Variants in UMAD1 observed in about 807,000 individuals in gnomAD.
UMAD1 encodes UBAP1-MVB12-associated (UMA)-domain containing protein 1.
In UMAD1, 8 loss-of-function variants were observed where a neutral mutation model predicts 6.1. The observed-to-expected ratio is 1.30, with a 90% CI of 0.76 to 2.35. UMAD1 has a LOEUF of 2.35. Among genes scored for constraint, UMAD1 ranks in the 30% most tolerant of loss-of-function variants. UMAD1 has a pLI of 0.00. For missense variants in UMAD1, 130 were observed against 78.4 expected (o/e 1.66, Z -2.49); for synonymous variants, 56 against 31.4 (o/e 1.78, Z -2.61).
chr7:7,791,337 A>C (rs780979502), intron 2 of UMAD1, among the ~76,000 whole-genome samples: 1 of 152,176 alleles, frequency 6.6e-6, no homozygotes, highest in South Asian at 2.1e-4. Flanking sequence ...AGAGCTTTCT[A>C]TTGGCAGTAT....
chr7:7,707,390 A>G (rs1583759028), intron 2 of UMAD1, among the ~76,000 whole-genome samples: 1 of 152,304 alleles, frequency 6.6e-6, no homozygotes, highest in African/African-American at 2.4e-5. Flanking sequence ...CCTGGAAGCC[A>G]GAAGCCTTGT....
intron 2 of UMAD1, among the ~76,000 whole-genome samples, chr7:7,739,832 A>G (rs1326961301): frequency 6.6e-6 from 1 of 152,248 alleles, no homozygotes; most frequent in African/African-American, 2.4e-5. Context: ...GCTATTTAGT[A>G]GTTAGAGAAA....
intron 2 of UMAD1, among the ~76,000 whole-genome samples, chr7:7,776,271 G>A (rs573468178): frequency 7.2e-5 from 11 of 152,326 alleles, no homozygotes; most frequent in African/African-American, 2.6e-4. Flanking sequence ...AAGCAGCTTG[G>A]GCAACATGGC....
intron 2 of UMAD1, among the ~76,000 whole-genome samples, chr7:7,695,246 G>A (rs1284149762): frequency 4.6e-5 from 7 of 152,114 alleles, no homozygotes; most frequent in Admixed American, 1.3e-4. Context: ...CCAAGTAGCC[G>A]TGCAATAATT....
At chr7:7,646,156 G>A (rs1785089043) in intron 1 of UMAD1, among the ~76,000 whole-genome samples, 1 of 152,322 alleles carries the variant, frequency 6.6e-6, no homozygotes, top group South Asian at 2.1e-4. Flanking sequence ...CAGTGTGACA[G>A]CCTTTTTGGG....
intron 2 of UMAD1, among the ~76,000 whole-genome samples, chr7:7,782,981 C>T (rs1332967645): frequency 5.9e-5 from 9 of 152,198 alleles, no homozygotes. Flanking sequence ...AATCTGCCTC[C>T]CTCAGCCTCC....
intron 1 of UMAD1, among the ~76,000 whole-genome samples, chr7:7,656,255 A>G (rs1383929843): frequency 1.3e-5 from 2 of 152,176 alleles, no homozygotes; most frequent in African/African-American, 4.8e-5. Flanking sequence ...TGAAGGAGAA[A>G]AAAGAACAAT....
At chr7:7,730,396 A>G (rs1248207906) in intron 2 of UMAD1, among the ~76,000 whole-genome samples, 2 of 152,236 alleles carry the variant, frequency 1.3e-5, no homozygotes, top group Non-Finnish European at 2.9e-5. Flanking sequence ...ATGTGCCCAC[A>G]GAGACTGATG....
chr7:7,828,162 A>C (rs1438516283), intron 3 of UMAD1, among the ~76,000 whole-genome samples: 1 of 152,198 alleles, frequency 6.6e-6, no homozygotes, highest in Non-Finnish European at 1.5e-5. Context: ...AATTCATTTG[A>C]ATTTACAACC....
At chr7:7,817,898 G>A (rs963236231) in intron 3 of UMAD1, among the ~76,000 whole-genome samples, 1 of 152,050 alleles carries the variant, frequency 6.6e-6, no homozygotes, top group African/African-American at 2.4e-5. Context: ...ACTGCAACCT[G>A]CACCTTCTGG....
intron 1 of UMAD1, among the ~76,000 whole-genome samples, chr7:7,653,143 G>T (rs1024380782): frequency 6.6e-6 from 1 of 152,112 alleles, no homozygotes; most frequent in Non-Finnish European, 1.5e-5. Flanking sequence ...CTTTTGCAGG[G>T]TGTTTTTTCA....
intron 3 of UMAD1, among the ~76,000 whole-genome samples, chr7:7,858,416 C>A (rs1338641403): frequency 2.0e-4 from 30 of 152,136 alleles, no homozygotes; most frequent in Non-Finnish European, 3.8e-4. Flanking sequence ...AACAAAAGCT[C>A]TGTTGGGCTG....
intron 3 of UMAD1, among the ~76,000 whole-genome samples, chr7:7,807,778 A>T (rs574381403): frequency 6.6e-6 from 1 of 151,994 alleles, no homozygotes; most frequent in Non-Finnish European, 1.5e-5. Flanking sequence ...TTTAGCATTC[A>T]CTCCAGAAAA....
At chr7:7,752,672 G>A (rs1781700543) in intron 2 of UMAD1, among the ~76,000 whole-genome samples, 1 of 152,042 alleles carries the variant, frequency 6.6e-6, no homozygotes, top group African/African-American at 2.4e-5. Flanking sequence ...AATTTCGTAT[G>A]TGGAAAATTG....
At chr7:7,742,194 C>T (rs1440474937) in intron 2 of UMAD1, 6 of 676,720 alleles carry the variant, frequency 8.9e-6, no homozygotes, top group South Asian at 8.1e-5. Flanking sequence ...TTGGCCACAT[C>T]GATGTCACAG....
intron 3 of UMAD1, among the ~76,000 whole-genome samples, chr7:7,861,182 A>G (rs2115332564): frequency 6.6e-6 from 1 of 152,318 alleles, no homozygotes; most frequent in Admixed American, 6.5e-5. Flanking sequence ...TGGTTGCACA[A>G]CACTGTGAAT....
At chr7:7,678,801 A>AAT (rs1331210419) in intron 2 of UMAD1, among the ~76,000 whole-genome samples, 776 of 28,108 alleles carry the variant, frequency 0.028, 328 homozygotes, top group Middle Eastern at 0.12. Flanking sequence ...TTAGTTTATA[A>AAT]ATATATTTAT....
Position 7,864,524 on chromosome 7 carries a change from C to T in UMAD1, c.157-12757C>T, listed in dbSNP as rs556379779. Among the ~76,000 whole-genome samples, 190 of 151,244 alleles carry T rather than the reference C, an allele frequency of 1.3e-3. 1 individual carries two copies. The highest frequency in any genetic ancestry group is 2.1e-3 in the Non-Finnish European group (145 of 67,826). ...AACGCAGACACGCCAGTTCTTCTAA[C>T]ATGCACAGCTTGGGGATGTGTGAGG... On this transcript the variant is annotated intron_variant, in intron 3 of 3. Transcript: ENST00000682710.
chr7:7,837,483 A>G (rs1783592484), intron 3 of UMAD1, among the ~76,000 whole-genome samples: 2 of 152,178 alleles, frequency 1.3e-5, no homozygotes, highest in Non-Finnish European at 2.9e-5. Context: ...TTAGAGTGAA[A>G]GCATTCTAAA....
Sources: gnomAD v4.1 joint callset for allele counts (sites outside exome capture counted in the v4.1 genomes callset) on GRCh38, gnomAD v4.1.1 for gene constraint, MANE v1.5 for transcripts, NCBI Gene and HGNC (gene_info 2026-07-23, HGNC 2026-07-21) for gene names.